Variants in TBC1D22A observed in about 807,000 individuals in gnomAD.
The protein encoded by TBC1D22A is putative GTPase activator.
In TBC1D22A, 38 loss-of-function variants were observed where a neutral mutation model predicts 60.2. The ratio of observed to expected loss-of-function variants is 0.63; its 90% CI spans 0.49 to 0.83. TBC1D22A has a LOEUF of 0.83. Among genes scored for constraint, TBC1D22A ranks in the 40% least tolerant of loss-of-function variants. TBC1D22A has a pLI of 0.00. For missense variants in TBC1D22A, 628 were observed against 701.0 expected (o/e 0.90, Z 1.18); for synonymous variants, 302 against 281.7 (o/e 1.07, Z -0.72).
intron 1 of TBC1D22A, among the ~76,000 whole-genome samples, chr22:46,791,996 G>T (rs1283740255): frequency 6.6e-6 from 1 of 152,188 alleles, no homozygotes; most frequent in Non-Finnish European, 1.5e-5. Flanking sequence ...CCTGACTTCA[G>T]GTGATCCGCC....
At chr22:47,154,604 C>G (rs919920446) in intron 12 of TBC1D22A, among the ~76,000 whole-genome samples, 1 of 152,216 alleles carries the variant, frequency 6.6e-6, no homozygotes, top group African/African-American at 2.4e-5. Context: ...CCAGCAGTGC[C>G]TGTCCTGTCA....
At chr22:47,162,198 A>G (rs1374447391) in intron 12 of TBC1D22A, among the ~76,000 whole-genome samples, 1 of 138,202 alleles carries the variant, frequency 7.2e-6, no homozygotes, top group African/African-American at 3.2e-5. Flanking sequence ...TTTTCATTTG[A>G]AAGGTTTTTT....
chr22:46,915,097 G>T, intron 8 of TBC1D22A: 1 of 280,836 alleles, frequency 3.6e-6, no homozygotes, highest in Admixed American at 4.3e-5. Context: ...GGCTTGGGCT[G>T]CAGTGCTGAG....
At chr22:47,025,313 G>C (rs979996036) in intron 10 of TBC1D22A, among the ~76,000 whole-genome samples, 10 of 152,106 alleles carry the variant, frequency 6.6e-5, no homozygotes, top group African/African-American at 2.4e-4. Flanking sequence ...TTTGCACATG[G>C]AACATTTACC....
At chr22:46,988,450 C>CA (rs2074810207) in intron 9 of TBC1D22A, among the ~76,000 whole-genome samples, 1 of 152,186 alleles carries the variant, frequency 6.6e-6, no homozygotes, top group African/African-American at 2.4e-5. Flanking sequence ...GTATATTTCT[C>CA]AAATAATGAC....
chr22:46,916,514 A>C (rs1258879804), intron 8 of TBC1D22A, among the ~76,000 whole-genome samples: 3 of 152,248 alleles, frequency 2.0e-5, no homozygotes, highest in Non-Finnish European at 4.4e-5. Flanking sequence ...GCTCTTGCAC[A>C]CACACATGCT....
intron 4 of TBC1D22A, among the ~76,000 whole-genome samples, chr22:46,801,667 C>T (rs1199392797): frequency 1.3e-5 from 2 of 152,236 alleles, no homozygotes; most frequent in Non-Finnish European, 2.9e-5. Flanking sequence ...GCCTGCCTCG[C>T]AGCAGTGGGG....
chr22:46,913,438 C>A (rs537752320), intron 8 of TBC1D22A: 2 of 1,364,010 alleles, frequency 1.5e-6, no homozygotes, highest in Non-Finnish European at 2.0e-6. Context: ...AAGATGAGGA[C>A]ATATCCAAGT....
intron 1 of TBC1D22A, among the ~76,000 whole-genome samples, chr22:46,767,398 A>G (rs1197902835): frequency 2.0e-5 from 3 of 152,206 alleles, no homozygotes; most frequent in Non-Finnish European, 4.4e-5. Context: ...TTGAGGAGAA[A>G]AGAATGGGCT....
chr22:46,931,023 G>A (rs1436450625), intron 8 of TBC1D22A, among the ~76,000 whole-genome samples: 1 of 152,148 alleles, frequency 6.6e-6, no homozygotes, highest in African/African-American at 2.4e-5. Context: ...GGCTTGTAAG[G>A]CCCCACCGTT....
chr22:46,771,338 T>A (rs548862693), intron 1 of TBC1D22A, among the ~76,000 whole-genome samples: 1 of 152,278 alleles, frequency 6.6e-6, no homozygotes, highest in South Asian at 2.1e-4. Flanking sequence ...TTTTTCTTTT[T>A]AATTTTTTAT....
intron 10 of TBC1D22A, among the ~76,000 whole-genome samples, chr22:47,029,820 G>A (rs2062404380): frequency 6.6e-6 from 1 of 152,248 alleles, no homozygotes; most frequent in African/African-American, 2.4e-5. Flanking sequence ...GGAGGCCTTG[G>A]TGAGCGGCCA....
At chr22:47,004,372 A>G (rs1019393291) in intron 10 of TBC1D22A, among the ~76,000 whole-genome samples, 2 of 150,078 alleles carry the variant, frequency 1.3e-5, no homozygotes, top group Non-Finnish European at 3.0e-5. Context: ...ACACTCCTAT[A>G]TACACACACC....
chr22:46,946,322 G>A (rs1418402908), intron 8 of TBC1D22A, among the ~76,000 whole-genome samples: 2 of 152,212 alleles, frequency 1.3e-5, no homozygotes, highest in Non-Finnish European at 2.9e-5. Flanking sequence ...GCACACACAG[G>A]CTTCTCCCAC....
At chr22:46,935,743 T>C (rs772796410) in intron 8 of TBC1D22A, among the ~76,000 whole-genome samples, 41 of 152,226 alleles carry the variant, frequency 2.7e-4, no homozygotes, top group Non-Finnish European at 4.9e-4. Flanking sequence ...TGCCCGTGTC[T>C]CTGTAGCCTT....
chr22:47,156,714 G>A (rs538228790), intron 12 of TBC1D22A, among the ~76,000 whole-genome samples: 11 of 152,076 alleles, frequency 7.2e-5, no homozygotes, highest in Non-Finnish European at 7.4e-5. Flanking sequence ...CTCCCTCCCC[G>A]GGCTGGGTCA....
intron 12 of TBC1D22A, among the ~76,000 whole-genome samples, chr22:47,134,295 C>T (rs1288288358): frequency 3.3e-5 from 5 of 152,236 alleles, no homozygotes; most frequent in African/African-American, 1.2e-4. Context: ...CTTATTAAAA[C>T]ATCTCCCTCT....
intron 10 of TBC1D22A, among the ~76,000 whole-genome samples, chr22:47,004,024 TACAC>T (rs959819096): frequency 4.2e-5 from 6 of 143,532 alleles, no homozygotes; most frequent in African/African-American, 1.6e-4. Flanking sequence ...CATGCCTGTA[TACAC>T]ACACCTACAG....
Position 46,840,874 on chromosome 22 carries a change from A to G in TBC1D22A, c.638-37779A>G, listed in dbSNP as rs536646229. 5.4e-4 allele frequency among the ~76,000 whole-genome samples: 83 copies of G among 152,308 alleles called. 1 individual carries two copies. The highest frequency in any genetic ancestry group is 1.8e-3 in the African/African-American group (75 of 41,542). ...GGAGGGTCCTCAAAAAATTTAACACAGAACTGTCAGATGATCCAGCAATCC... is the reference window on the plus strand; with the variant it reads ...GGAGGGTCCTCAAAAAATTTAACACGGAACTGTCAGATGATCCAGCAATCC... On this transcript the variant is annotated intron_variant, in intron 4 of 12. Transcript: ENST00000337137.
Sources: gnomAD v4.1 joint callset for allele counts (sites outside exome capture counted in the v4.1 genomes callset) on GRCh38, gnomAD v4.1.1 for gene constraint, MANE v1.5 for transcripts, NCBI Gene and HGNC (gene_info 2026-07-23, HGNC 2026-07-21) for gene names.